ABCA2: variants seen among roughly 807,000 people sequenced by gnomAD.
ABCA2 encodes ATP binding cassette subfamily A member 2.
In ABCA2, 84 loss-of-function variants were observed where a neutral mutation model predicts 262.8. The observed-to-expected ratio is 0.32, with a 90% confidence interval of 0.27 to 0.38. The LOEUF (loss-of-function observed/expected upper bound fraction) is 0.38. ABCA2 is among the 10% of genes least tolerant of loss of function. The probability of loss-of-function intolerance (pLI) is 1.00; values close to 1 mark genes in which losing one functional copy is unlikely to be tolerated. For missense variants in ABCA2, 2,662 were observed against 3,405.9 expected (o/e 0.78, Z 5.44); for synonymous variants, 1,696 against 1,502.9 (o/e 1.13, Z -2.97).
At chr9:137,018,116 T>A in intron 14 of ABCA2, 41 bp from the exon 15 acceptor site, 1 of 1,610,044 alleles carries the variant, frequency 6.2e-7, no homozygotes, top group Non-Finnish European at 8.5e-7. Flanking sequence ...GCAGGCCCTC[T>A]CGTCCTCACA....
chr9:137,015,830 A>C lies in ABCA2; in HGVS notation c.3359T>G (p.Leu1120Arg). 1 of 1,611,648 alleles carries C rather than the reference A, an allele frequency of 6.2e-7. No homozygotes were observed. The highest frequency in any genetic ancestry group is 8.5e-7 in the Non-Finnish European group (1 of 1,179,262). The change falls in exon 23 of 49, where the codon CTG becomes CGG. Residue 1120 changes from leucine to arginine, a missense_variant. Leu to Arg is a moderately radical substitution (Grantham distance 102). Around this residue, in one of 12 missense-constraint regions of ABCA2, gnomAD observed 180 missense variants for 307.3 expected, o/e 0.59. Transcript: ENST00000341511. The stretch of plus-strand genomic sequence containing the variant: ...CATGCCACCCGACAATGTCTGCACC[A>C]GTGAGTGCCGTTTGTTGGAGAGCTC... ...DLELSNKRHS[L>R]VQTLSGGMKR...
chr9:137,013,833 A>C lies in ABCA2; in HGVS notation c.4446T>G (p.Ile1482Met). The change falls in exon 28 of 49, where the codon ATT becomes ATG. Residue 1482 changes from isoleucine (I) to methionine (M), a missense_variant and splice_region_variant. Around this residue, in one of 12 missense-constraint regions of ABCA2, gnomAD observed 75 missense variants for 118.3 expected, o/e 0.63. Transcript: ENST00000341511. ...AMTVALSVPE[I>M]GDLPPLVLSP... ...ACCCCTGTCCAGCCGGTGGCCTACC[A>C]ATCTCCGGGACGGACAGGGCCACGG... 6.2e-7 allele frequency: 1 copy of C among 1,603,710 alleles called. No individual in the cohort carries two copies. Among genetic ancestry groups the C allele is most frequent in the Non-Finnish European group, 8.5e-7 (1 of 1,175,850 alleles).
intron 48 of ABCA2, 98 bp downstream of exon 48, chr9:137,008,318 G>C (rs1265312818): frequency 3.3e-5 from 46 of 1,380,530 alleles, no homozygotes; most frequent in Non-Finnish European, 4.3e-5. Flanking sequence ...AAGCATCCTG[G>C]GGCCAGTTCT....
chr9:137,017,879 T>G lies in ABCA2; in HGVS notation c.2119A>C (p.Met707Leu), dbSNP rs1173217639. Residue 707 changes from methionine to leucine, a missense_variant, in exon 16 of 49, where the codon ATG becomes CTG. This residue lies in a region of ABCA2 where 188 missense variants were observed against 343.4 expected (regional missense o/e 0.55). Coordinates refer to ENST00000341511, the MANE Select transcript of ABCA2 (RefSeq NM_001606.5). ...RDDFLFVIEH[M>L]MPLCMVISWV... ...GAGATCACCATGCACAGCGGCATCA[T>G]GTGCTCAATGACAAACAGGAAGCTG... is the stretch of plus-strand genomic sequence containing the variant. The G allele has an allele frequency of 1.4e-5, 23 of 1,612,474 alleles. No homozygotes were observed. The highest frequency in any genetic ancestry group is 1.9e-5 in the Non-Finnish European group (23 of 1,179,872).
At chr9:137,008,925 C>T in intron 46 of ABCA2, 26 bp downstream of exon 46, 2 of 1,601,286 alleles carry the variant, frequency 1.2e-6, no homozygotes, top group East Asian at 2.2e-5. Context: ...AGCGCCCCCT[C>T]CACAACCCTG....
Position 137,013,175 on chromosome 9 carries a change from C to T in ABCA2, c.4694G>A (p.Arg1565His), listed in dbSNP as rs1449588556. 18 of 1,599,732 alleles carry T rather than the reference C, an allele frequency of 1.1e-5. No individual in the cohort carries two copies. The African/African-American group carries it at 1.7e-4, about 15-fold the overall frequency. ...GTCGAAGAACCGAGCCGCCAGCAGG[C>T]GCGACTCCCCGCTGCTCAGGTTCAA... ...PTLNLSSGES[R>H]LLAARFFDSM... The change falls in exon 30 of 49, where the codon CGC (arginine) becomes CAC (histidine). Residue 1565 changes from arginine to histidine, a missense_variant. By Grantham distance (29) the Arg-to-His change is conservative (BLOSUM62 0). Coordinates refer to ENST00000341511, the MANE Select transcript of ABCA2 (RefSeq NM_001606.5).
Position 137,020,854 on chromosome 9 carries a change from T to C in ABCA2, c.1105A>G (p.Asn369Asp). The part of the protein sequence containing the change: ...PPASGAGGAA[N>D]GTGAGAVMGP... ...ATGACTGCCCCTGCCCCAGTGCCAT[T>C]GGCCGCCCCACCCGCACCACTGGCT... The change falls in exon 9 of 49, where the codon AAT (asparagine) becomes GAT (aspartate). Residue 369 changes from asparagine to aspartate, a missense_variant. Around this residue, in one of 12 missense-constraint regions of ABCA2, gnomAD observed 403 missense variants for 375.9 expected, o/e 1.07. Coordinates refer to ENST00000341511, the MANE Select transcript of ABCA2 (RefSeq NM_001606.5). 1 of 1,544,456 alleles carries C rather than the reference T, an allele frequency of 6.5e-7. No homozygotes were observed. Among genetic ancestry groups the C allele is most frequent in the South Asian group, 1.2e-5 (1 of 84,490 alleles).
chr9:137,022,614 G>T (rs1176256182), intron 5 of ABCA2, 88 bp downstream of exon 5: 1 of 1,556,258 alleles, frequency 6.4e-7, no homozygotes, highest in East Asian at 2.3e-5. Context: ...TGCAGGTGGA[G>T]GGGCCCAGAG....
intron 42 of ABCA2, 37 bp from the exon 43 acceptor site, chr9:137,009,940 C>A (rs1335414995): frequency 2.5e-6 from 4 of 1,598,070 alleles, no homozygotes; most frequent in Admixed American, 3.4e-5. Flanking sequence ...GAGGCAGGGC[C>A]ACCCAGCGTG....
chr9:137,022,358 G>C lies in ABCA2; in HGVS notation c.560C>G (p.Pro187Arg), dbSNP rs769456540. 4 of 1,606,160 alleles carry C rather than the reference G, an allele frequency of 2.5e-6. No individual in the cohort carries two copies. The highest frequency in any genetic ancestry group is 2.2e-5 in the East Asian group (1 of 44,688). The change falls in exon 6 of 49, where the codon CCG becomes CGG. Residue 187 changes from proline to arginine, a missense_variant. By Grantham distance (103) the Pro-to-Arg change is moderately radical. Around this residue, in one of 12 missense-constraint regions of ABCA2, gnomAD observed 403 missense variants for 375.9 expected, o/e 1.07. Coordinates refer to ENST00000341511, the MANE Select transcript of ABCA2 (RefSeq NM_001606.5). ...AQALLAARVD[P>R]PEVYHLLFGP... ...GAGCTGTCCCTGCCTTACCTCGGGC[G>C]GGTCCACACGGGCGGCCAAGAGTGC...
At position 137,021,549 on chromosome 9, in the gene ABCA2, A is replaced by G; in HGVS notation, c.740T>C (p.Leu247Pro). 1 of 1,587,698 alleles carries G rather than the reference A, an allele frequency of 6.3e-7. No individual in the cohort carries two copies. The highest frequency in any genetic ancestry group is 1.8e-5 in the Admixed American group (1 of 55,856). ...QLTCTPGSGELGRILTVPESQ... is the reference protein window; with the variant it reads ...QLTCTPGSGEPGRILTVPESQ... Reference sequence around the variant, plus strand: ...CTCAGGCACAGTGAGGATCCGGCCCAGCTCCCCCGAGCCCGGCGTGCAGGT... The same window carrying G: ...CTCAGGCACAGTGAGGATCCGGCCCGGCTCCCCCGAGCCCGGCGTGCAGGT... The change falls in exon 8 of 49, where the codon CTG becomes CCG. Residue 247 changes from leucine to proline, a missense_variant. By Grantham distance (98) the Leu-to-Pro change is moderately conservative (BLOSUM62 -3). This residue lies in a region of ABCA2 where 403 missense variants were observed against 375.9 expected (regional missense o/e 1.07). Transcript: ENST00000341511. This position sits in a 1 kb window ranked among gnomAD's most constrained non-coding sequence, Gnocchi z 6.0.
rs758886690 is a variant in ABCA2, at chr9:137,020,678, C to T, written c.1265+16G>A. 2 of 1,597,608 alleles carry T rather than the reference C, an allele frequency of 1.3e-6. No homozygotes were observed. The highest frequency in any genetic ancestry group is 1.7e-6 in the Non-Finnish European group (2 of 1,179,068). ...TGGCTGTCCTCCTCACCCCCATTCCCCTGCCGCCCACCTACCGGTTGTTGC... is the reference window on the plus strand; with the variant it reads ...TGGCTGTCCTCCTCACCCCCATTCCTCTGCCGCCCACCTACCGGTTGTTGC... On this transcript the variant is annotated intron_variant, in intron 9 of 48. Transcript: ENST00000341511.
At position 137,020,410 on chromosome 9, in the gene ABCA2, C is replaced by A; in HGVS notation, c.1351G>T (p.Val451Leu). ...TTGGGGTTGCTGGTCATGAGGTGCA[C>A]GAGGAGGCCCAGGTTCCGCTGCTCC... ...SKEQRNLGLLVHLMTSNPKIL... is the reference protein window; with the variant it reads ...SKEQRNLGLLLHLMTSNPKIL... The change falls in exon 10 of 49, where the codon GTG becomes TTG. Residue 451 changes from valine (V) to leucine (L), a missense_variant. Around this residue, in one of 12 missense-constraint regions of ABCA2, gnomAD observed 92 missense variants for 146.7 expected, o/e 0.63. Coordinates refer to ENST00000341511, the MANE Select transcript of ABCA2 (RefSeq NM_001606.5). 2.5e-6 allele frequency: 4 copies of A among 1,612,898 alleles called. No homozygotes were observed. Among genetic ancestry groups the A allele is most frequent in the South Asian group, 2.2e-5 (2 of 91,086 alleles).
intron 10 of ABCA2, chr9:137,020,115 A>G: frequency 1.6e-6 from 1 of 609,234 alleles, no homozygotes; most frequent in Non-Finnish European, 2.8e-6. Flanking sequence ...GGACCCTGCC[A>G]GAGCAGACTC....
chr9:137,020,138 C>T lies in ABCA2; in HGVS notation c.1425+198G>A, dbSNP rs1054575648. 2.5e-5 allele frequency: 17 copies of T among 687,110 alleles called. No homozygotes were observed. The African/African-American group carries it at 3.2e-4, about 13-fold the overall frequency. 42.6% of individuals were successfully genotyped at this position (687,110 alleles called of 1,614,324 possible). A position where few individuals can be genotyped will look rare whatever the true frequency, so the allele number is the denominator to read the frequency against. On this transcript the variant is annotated intron_variant, in intron 10 of 48. Coordinates refer to ENST00000341511, the MANE Select transcript of ABCA2 (RefSeq NM_001606.5). ...CCAGAGCAGACTCTCCAGTGCCTTCCCACAGCAGCCCCTGGAGCTCCCGAA... is the reference window on the plus strand; with the variant it reads ...CCAGAGCAGACTCTCCAGTGCCTTCTCACAGCAGCCCCTGGAGCTCCCGAA...
chr9:137,008,652 G>A, intron 47 of ABCA2, 30 bp from the exon 48 acceptor site: 1 of 1,580,698 alleles, frequency 6.3e-7, no homozygotes, highest in Non-Finnish European at 8.6e-7. Flanking sequence ...TGTGGGGAGG[G>A]GGCTGGTCTG....
At chr9:137,020,087 C>G (rs982642386) in intron 10 of ABCA2, 3 of 551,488 alleles carry the variant, frequency 5.4e-6, no homozygotes, top group Non-Finnish European at 9.7e-6. Flanking sequence ...TGCCCTGGAC[C>G]GGCCACCCCC....
At position 137,009,545 on chromosome 9, in the gene ABCA2, G is replaced by A; in HGVS notation, c.6730C>T (p.His2244Tyr). 1 of 1,612,752 alleles carries A rather than the reference G, an allele frequency of 6.2e-7. No homozygotes were observed. Among genetic ancestry groups the A allele is most frequent in the Non-Finnish European group, 8.5e-7 (1 of 1,179,908 alleles). The change falls in exon 44 of 49, where the codon CAC (histidine) becomes TAC (tyrosine). Residue 2244 changes from histidine to tyrosine, a missense_variant. By Grantham distance (83) the His-to-Tyr change is moderately conservative. Transcript: ENST00000341511. ...AGGGGGTGGGGGCGCCCTCACCTGT[G>A]TGATGTCAGCACCACTGAACGCCCT... The part of the protein sequence containing the change: ...KTGRSVVLTS[H>Y]SMEECEALCT...
At position 137,011,580 on chromosome 9, in the gene ABCA2, C is replaced by T. The variant is rs764760933; in HGVS notation, c.5652-26G>A. Reference sequence around the variant, plus strand: ...CTGCGGGCAGGTGGCGGGCAGTGGTCACCAGGCAGCCCCGGTCCCACCTGA... The same window carrying T: ...CTGCGGGCAGGTGGCGGGCAGTGGTTACCAGGCAGCCCCGGTCCCACCTGA... On this transcript the variant is annotated intron_variant, in intron 36 of 48. Transcript: ENST00000341511. The surrounding 1 kb of genome is among the most constrained non-coding windows in gnomAD (Gnocchi z 8.8). 1.9e-6 allele frequency: 3 copies of T among 1,562,574 alleles called. No homozygotes were observed. Among genetic ancestry groups the T allele is most frequent in the South Asian group, 2.3e-5 (2 of 85,414 alleles).
Sources: gnomAD v4.1 joint callset for allele counts on GRCh38, gnomAD v4.1.1 for gene constraint, gnomAD v4.1.1 regional missense constraint, Gnocchi (gnomAD v3.1) non-coding constraint, MANE v1.5 for transcripts, NCBI Gene and HGNC (gene_info 2026-07-23, HGNC 2026-07-21) for gene names.